IL23R: variants seen among roughly 807,000 people sequenced by gnomAD.
IL23R encodes interleukin-23 receptor.
A neutral mutation model predicts 56.9 loss-of-function variants in IL23R; 34 were observed. That is an observed-to-expected ratio of 0.60 (90% CI 0.45 to 0.80). IL23R has a LOEUF of 0.80. IL23R is among the 30% of genes least tolerant of loss of function. IL23R has a pLI of 0.00. For synonymous variants in IL23R, 230 were observed against 249.2 expected, an observed-to-expected ratio of 0.92 and a Z score of 0.73; for missense variants, 635 against 730.0, an observed-to-expected ratio of 0.87 and a Z score of 1.50.
chr1:67,253,676 C>T (rs542886462), intron 9 of IL23R, among the ~76,000 whole-genome samples: 49 of 152,184 alleles, frequency 3.2e-4, no homozygotes, highest in African/African-American at 1.1e-3. Context: ...CAAACTAATA[C>T]GGAATTTTAT....
At chr1:67,175,908 T>G (rs1216147044) in intron 3 of IL23R, among the ~76,000 whole-genome samples, 2 of 152,130 alleles carry the variant, frequency 1.3e-5, no homozygotes, top group Admixed American at 1.3e-4. Flanking sequence ...CACTGCAGCC[T>G]CAAACTCCTA....
At chr1:67,235,456 C>T (rs1331518620) in intron 7 of IL23R, among the ~76,000 whole-genome samples, 3 of 151,194 alleles carry the variant, frequency 2.0e-5, no homozygotes, top group African/African-American at 7.3e-5. Flanking sequence ...TGCTATGGCA[C>T]GATCTAGACT....
chr1:67,169,713 A>G (rs1195939612), intron 3 of IL23R, 75 bp downstream of exon 3: 2 of 1,289,350 alleles, frequency 1.6e-6, no homozygotes, highest in Admixed American at 3.4e-5. Context: ...ACACTAGTCT[A>G]AAAATAGGGA....
intron 7 of IL23R, among the ~76,000 whole-genome samples, chr1:67,225,811 GA>G (rs1650581218): frequency 6.6e-6 from 1 of 152,134 alleles, no homozygotes. Flanking sequence ...TGCCTGGCCT[GA>G]ATGCTTGGGC....
At chr1:67,164,152 G>A (rs1646848499), upstream of IL23R, among the ~76,000 whole-genome samples, 1 of 152,102 alleles carries the variant, frequency 6.6e-6, no homozygotes, top group Admixed American at 6.6e-5. Flanking sequence ...GAACTCAAAT[G>A]ACTCAATAGC....
At chr1:67,156,845 A>G (rs1411498028) in intron 1 of IL23R, among the ~76,000 whole-genome samples, 1 of 152,116 alleles carries the variant, frequency 6.6e-6, no homozygotes, top group Non-Finnish European at 1.5e-5. Context: ...CTGGCATTCC[A>G]CACACTGCTG....
rs1404400997 is a variant in IL23R at position 67,178,292 on chromosome 1, A to C, written c.368-4544A>C. ...ATTTGTTTGTGTCCTCTTTTATTTC[A>C]TTGTACAGTGGTTTGTAGTTCTCTT... On this transcript the variant is annotated intron_variant, in intron 3 of 10. Coordinates refer to ENST00000347310, the MANE Select transcript of IL23R (RefSeq NM_144701.3). Among the ~76,000 whole-genome samples, 4 of 152,110 alleles carry C rather than the reference A, an allele frequency of 2.6e-5. No individual in the cohort carries two copies. The East Asian group carries it at 7.7e-4, about 29-fold the overall frequency.
intron 5 of IL23R, among the ~76,000 whole-genome samples, chr1:67,203,609 G>T (rs1424715717): frequency 2.0e-5 from 3 of 151,960 alleles, no homozygotes; most frequent in African/African-American, 7.3e-5. Flanking sequence ...TGGATTAATT[G>T]TATAGGAGGC....
intron 9 of IL23R, among the ~76,000 whole-genome samples, chr1:67,247,125 G>C (rs927915251): frequency 8.6e-5 from 13 of 151,754 alleles, no homozygotes; most frequent in African/African-American, 2.9e-4. Context: ...TCAGAGACTA[G>C]GATTGCAACC....
intron 9 of IL23R, among the ~76,000 whole-genome samples, chr1:67,255,490 G>GT (rs1284333087): frequency 1.3e-5 from 2 of 152,004 alleles, no homozygotes; most frequent in Non-Finnish European, 2.9e-5. Context: ...CCCAGAGTGA[G>GT]TGCAGTGGCA....
At chr1:67,260,078 C>T (rs891110681), downstream of IL23R, 1 of 151,334 alleles carries the variant, frequency 6.6e-6, no homozygotes, top group Non-Finnish European at 1.5e-5. Context: ...AAAAATATAG[C>T]CCCAAATGAC....
intron 4 of IL23R, among the ~76,000 whole-genome samples, chr1:67,183,313 TAA>T (rs1647184888): frequency 6.6e-6 from 1 of 152,146 alleles, no homozygotes; most frequent in African/African-American, 2.4e-5. Context: ...GGTGGGTGAA[TAA>T]CCTGAGGTCA....
intron 1 of IL23R, among the ~76,000 whole-genome samples, chr1:67,144,349 C>A (rs149479991): frequency 1.3e-5 from 2 of 152,194 alleles, no homozygotes; most frequent in Non-Finnish European, 2.9e-5. Flanking sequence ...GGCATTCCTT[C>A]TAGAAACAGG....
chr1:67,151,807 T>G (rs1262244915), intron 1 of IL23R, among the ~76,000 whole-genome samples: 1 of 152,212 alleles, frequency 6.6e-6, no homozygotes, highest in Non-Finnish European at 1.5e-5. Context: ...TGCATTGGTC[T>G]GTATGTCTAT....
At chr1:67,213,675 G>C (rs569802477) in intron 6 of IL23R, among the ~76,000 whole-genome samples, 2 of 152,282 alleles carry the variant, frequency 1.3e-5, no homozygotes, top group African/African-American at 4.8e-5. Flanking sequence ...GAAGCAACAG[G>C]CTATACCATA....
intron 7 of IL23R, chr1:67,231,875 C>T (rs1651117625): frequency 6.6e-6 from 1 of 152,098 alleles, no homozygotes; most frequent in African/African-American, 2.4e-5. Context: ...CAAAAATTAG[C>T]TGGGCGTGGT....
downstream of IL23R, among the ~76,000 whole-genome samples, chr1:67,263,040 G>A (rs867497974): frequency 7.2e-5 from 11 of 151,904 alleles, no homozygotes; most frequent in Middle Eastern, 6.8e-3. Flanking sequence ...GTACAGTTTA[G>A]GGATGTTTGC....
intron 4 of IL23R, among the ~76,000 whole-genome samples, chr1:67,184,807 C>T (rs1647237996): frequency 6.6e-6 from 1 of 152,172 alleles, no homozygotes; most frequent in Non-Finnish European, 1.5e-5. Flanking sequence ...CATACAAATG[C>T]TTATATCCTC....
intron 6 of IL23R, among the ~76,000 whole-genome samples, chr1:67,213,311 G>A (rs1013313680): frequency 6.6e-6 from 1 of 152,206 alleles, no homozygotes; most frequent in Admixed American, 6.5e-5. Context: ...CTGGAATAGT[G>A]TAATTGTTCA....
Sources: allele counts gnomAD v4.1 joint callset (sites outside exome capture counted in the v4.1 genomes callset), GRCh38; gene constraint gnomAD v4.1.1; transcripts MANE v1.5; gene names NCBI Gene and HGNC (gene_info 2026-07-23, HGNC 2026-07-21).